DMD: variants seen among roughly 807,000 people sequenced by gnomAD.
DMD encodes dystrophin, also known as mutant dystrophin.
In DMD, 63 loss-of-function variants were observed where a neutral mutation model predicts 330.1. The observed-to-expected ratio is 0.19, with a 90% CI of 0.16 to 0.24. The LOEUF is 0.24. Ranked by LOEUF, DMD falls within the 10% of genes least tolerant of loss-of-function variation. DMD has a pLI of 1.00. For synonymous variants in DMD, 1,223 were observed against 959.8 expected (o/e 1.27, Z -5.07); for missense variants, 3,344 against 2,684.1 (o/e 1.25, Z -5.43).
At chrX:32,679,390 C>T (rs2062206088) in intron 9 of DMD, among the ~76,000 whole-genome samples, 1 of 110,382 alleles carries the variant, frequency 9.1e-6, no homozygotes, top group African/African-American at 3.3e-5. Context: ...TTACTGATTC[C>T]ACAATATGCA....
intron 19 of DMD, among the ~76,000 whole-genome samples, chrX:32,494,881 C>G (rs2043336169): frequency 9.0e-6 from 1 of 110,924 alleles, no homozygotes; most frequent in African/African-American, 3.3e-5. Flanking sequence ...TTATCAATAA[C>G]CAGGGATCCT....
intron 44 of DMD, among the ~76,000 whole-genome samples, chrX:32,112,470 T>C (rs1215780735): frequency 2.7e-5 from 3 of 111,427 alleles, no homozygotes; most frequent in Non-Finnish European, 3.8e-5. Context: ...AGCGGGAAGG[T>C]CATATGGTGG....
At chrX:32,639,550 T>C (rs1190831319) in intron 11 of DMD, among the ~76,000 whole-genome samples, 7 of 112,457 alleles carry the variant, frequency 6.2e-5, no homozygotes, top group Non-Finnish European at 1.3e-4. Context: ...GCCAAACTCA[T>C]TTGTGACTGG....
intron 48 of DMD, among the ~76,000 whole-genome samples, chrX:31,858,838 T>C (rs1183637930): frequency 4.5e-5 from 5 of 111,287 alleles, no homozygotes; most frequent in Non-Finnish European, 9.4e-5. Context: ...GTTCTACCTG[T>C]AAACACCAAG....
intron 2 of DMD, among the ~76,000 whole-genome samples, chrX:32,850,624 T>C (rs2081062031): frequency 9.0e-6 from 1 of 111,386 alleles, no homozygotes; most frequent in South Asian, 3.8e-4. Flanking sequence ...ATGGCTCAGA[T>C]CTGTCTAATT....
chrX:31,921,436 T>C (rs189929923), intron 47 of DMD, among the ~76,000 whole-genome samples: 151 of 111,675 alleles, frequency 1.4e-3, no homozygotes, highest in African/African-American at 4.5e-3. Context: ...AGCCATTTGG[T>C]TGTCTTGCTG....
chrX:32,589,482 G>GTA (rs750131748), intron 13 of DMD, among the ~76,000 whole-genome samples: 43 of 109,596 alleles, frequency 3.9e-4, no homozygotes, highest in Middle Eastern at 9.7e-3. Context: ...ATGTACGTAT[G>GTA]TATATATATA....
chrX:32,873,332 T>C (rs2083141420), intron 2 of DMD, among the ~76,000 whole-genome samples: 1 of 109,950 alleles, frequency 9.1e-6, no homozygotes, highest in South Asian at 4.0e-4. Context: ...CATCTAGATA[T>C]GGCAGGCAGT....
chrX:32,721,144 T>C (rs1174002480), intron 7 of DMD, among the ~76,000 whole-genome samples: 1 of 111,209 alleles, frequency 9.0e-6, no homozygotes, highest in Non-Finnish European at 1.9e-5. Flanking sequence ...TTGGCTATTA[T>C]GAATCATAAC....
chrX:32,408,319 A>T (rs1374334935), intron 30 of DMD, among the ~76,000 whole-genome samples: 4 of 111,417 alleles, frequency 3.6e-5, no homozygotes, highest in Non-Finnish European at 7.5e-5. Flanking sequence ...CCAGAGAAAT[A>T]ACTGATCAAT....
At chrX:33,046,083 C>T (rs1234425160) in intron 1 of DMD, among the ~76,000 whole-genome samples, 3 of 111,566 alleles carry the variant, frequency 2.7e-5, no homozygotes, top group African/African-American at 9.8e-5. Context: ...TGTCCTTGAC[C>T]TAGAATCAGA....
At chrX:32,659,475 A>C (rs1347809344) in intron 9 of DMD, among the ~76,000 whole-genome samples, 1 of 110,743 alleles carries the variant, frequency 9.0e-6, no homozygotes, top group African/African-American at 3.3e-5. Context: ...TAATATAAAT[A>C]ACTAGTGAGC....
chrX:33,008,742 A>C (rs189633197), intron 2 of DMD, among the ~76,000 whole-genome samples: 83 of 106,668 alleles, frequency 7.8e-4, no homozygotes, highest in African/African-American at 2.7e-3. Flanking sequence ...AAATATATAT[A>C]TACATCAGAT....
intron 19 of DMD, among the ~76,000 whole-genome samples, chrX:32,492,094 C>T (rs2043053975): frequency 8.9e-6 from 1 of 111,982 alleles, no homozygotes. Flanking sequence ...AATTCCAACA[C>T]TTTGGGAGGC....
intron 1 of DMD, among the ~76,000 whole-genome samples, chrX:33,131,038 A>T (rs760359383): frequency 8.1e-5 from 9 of 111,453 alleles, no homozygotes; most frequent in Non-Finnish European, 1.3e-4. Flanking sequence ...AGTGCTTAAG[A>T]ATCCAGCTCT....
At chrX:32,595,435 T>C (rs770681315) in intron 13 of DMD, among the ~76,000 whole-genome samples, 1 of 111,819 alleles carries the variant, frequency 8.9e-6, no homozygotes, top group Non-Finnish European at 1.9e-5. Flanking sequence ...AAATACTCCA[T>C]GCCTTAGAAA....
At chrX:32,595,149 T>C (rs1458217718) in intron 13 of DMD, among the ~76,000 whole-genome samples, 1 of 111,457 alleles carries the variant, frequency 9.0e-6, no homozygotes, top group Non-Finnish European at 1.9e-5. Context: ...CAGATAGAGT[T>C]TAAGCAAATT....
At chrX:31,590,550 A>C (rs1399508719) in intron 55 of DMD, among the ~76,000 whole-genome samples, 1 of 111,647 alleles carries the variant, frequency 9.0e-6, no homozygotes, top group Non-Finnish European at 1.9e-5. Flanking sequence ...TCCATTAAAA[A>C]CAAGACTTTC....
intron 44 of DMD, among the ~76,000 whole-genome samples, chrX:32,185,256 T>G (rs138035627): frequency 5.4e-5 from 6 of 111,401 alleles, no homozygotes; most frequent in East Asian, 5.7e-4. Flanking sequence ...CAGTCCCACA[T>G]AGTGTAGATT....
Sources: gnomAD v4.1 joint callset for allele counts (sites outside exome capture counted in the v4.1 genomes callset) on GRCh38, gnomAD v4.1.1 for gene constraint, MANE v1.5 for transcripts, NCBI Gene and HGNC (gene_info 2026-07-23, HGNC 2026-07-21) for gene names.